GOLPH3L: variants seen among roughly 807,000 people sequenced by gnomAD.
The protein encoded by GOLPH3L is golgi phosphoprotein 3 like.
GOLPH3L carries 22 observed loss-of-function variants against 30.3 expected under a neutral mutation model. The ratio of observed to expected loss-of-function variants is 0.73; its 90% confidence interval spans 0.52 to 1.04. GOLPH3L has a LOEUF of 1.04. GOLPH3L is among the 50% of genes least tolerant of loss of function. The pLI is 0.00. For missense variants in GOLPH3L, 303 were observed against 345.8 expected (o/e 0.88, Z 0.98); for synonymous variants, 120 against 128.2 (o/e 0.94, Z 0.43).
At position 150,694,656 on chromosome 1, in the gene GOLPH3L, C is replaced by A; in HGVS notation, c.183G>T (p.Glu61Asp). ...AGCCTAGCAAACCTAACTGCATTAC[C>A]TCTTTATCTTTTAGTCCCAGAAGCA... is the stretch of plus-strand genomic sequence containing the variant. ...EVLLLGLKDK[E>D]GYTSFWNDCI... is the part of the protein sequence containing the mutation. The change falls in exon 2 of 5, where the codon GAG becomes GAT. Residue 61 changes from glutamate (E) to aspartate (D), a missense_variant and splice_region_variant. By Grantham distance (45) the Glu-to-Asp change is conservative. Transcript: ENST00000271732. 6.3e-7 allele frequency: 1 copy of A among 1,586,738 alleles called. No individual in the cohort carries two copies. Among genetic ancestry groups the A allele is most frequent in the Non-Finnish European group, 8.6e-7 (1 of 1,163,908 alleles).
chr1:150,687,597 T>G (rs1021509013), intron 2 of GOLPH3L, among the ~76,000 whole-genome samples: 1 of 151,762 alleles, frequency 6.6e-6, no homozygotes, highest in Non-Finnish European at 1.5e-5. Context: ...AAAAAAAAAC[T>G]TTTTGATTAG....
At chr1:150,657,303 A>C (rs1650261507) in intron 4 of GOLPH3L, among the ~76,000 whole-genome samples, 1 of 152,250 alleles carries the variant, frequency 6.6e-6, no homozygotes, top group Non-Finnish European at 1.5e-5. Context: ...TGCAATATCT[A>C]ATGCTAAACA....
chr1:150,653,462 T>C (rs1385495333), intron 4 of GOLPH3L, among the ~76,000 whole-genome samples: 1 of 146,188 alleles, frequency 6.8e-6, no homozygotes, highest in African/African-American at 2.5e-5. Context: ...CAACTTTTTT[T>C]TTTTTTTTTT....
chr1:150,650,014 A>G (rs935714858), intron 4 of GOLPH3L, among the ~76,000 whole-genome samples: 9 of 152,082 alleles, frequency 5.9e-5, no homozygotes, highest in Admixed American at 5.9e-4. Context: ...AAATAAAAAT[A>G]AAATTAAAAA....
At chr1:150,674,809 T>C (rs1650732741) in intron 2 of GOLPH3L, among the ~76,000 whole-genome samples, 1 of 151,744 alleles carries the variant, frequency 6.6e-6, no homozygotes, top group Non-Finnish European at 1.5e-5. Flanking sequence ...GAAGGATCCC[T>C]CAAGCCCAGG....
intron 2 of GOLPH3L, among the ~76,000 whole-genome samples, chr1:150,691,640 CT>C (rs1651215161): frequency 6.6e-6 from 1 of 152,142 alleles, no homozygotes; most frequent in African/African-American, 2.4e-5. Context: ...TTTCCTTCCC[CT>C]ATCCCTTACA....
chr1:150,694,857 G>T lies in GOLPH3L; in HGVS notation c.-12-7C>A. On this transcript the variant is annotated splice_region_variant and splice_polypyrimidine_tract_variant and intron_variant, in intron 1 of 4. Transcript: ENST00000271732. ...TGGTCATTCTCACCTGTTTCTGGAGGGAGTGGTGAAAAAAAAAATCCATAT... is the reference window on the plus strand; with the variant it reads ...TGGTCATTCTCACCTGTTTCTGGAGTGAGTGGTGAAAAAAAAAATCCATAT... 1 of 1,550,720 alleles carries T rather than the reference G, an allele frequency of 6.4e-7. No homozygotes were observed. Among genetic ancestry groups the T allele is most frequent in the South Asian group, 1.2e-5 (1 of 82,226 alleles).
chr1:150,649,230 G>A (rs1374061200), intron 4 of GOLPH3L, among the ~76,000 whole-genome samples: 1 of 152,170 alleles, frequency 6.6e-6, no homozygotes, highest in East Asian at 1.9e-4. Context: ...TAGAGATTCT[G>A]CAACAGAAAA....
chr1:150,665,589 T>C (rs1650480782), intron 2 of GOLPH3L, among the ~76,000 whole-genome samples: 1 of 152,182 alleles, frequency 6.6e-6, no homozygotes, highest in Non-Finnish European at 1.5e-5. Context: ...TTAACATGCA[T>C]GATACATTAA....
intron 4 of GOLPH3L, among the ~76,000 whole-genome samples, chr1:150,659,593 C>G (rs1650323672): frequency 1.3e-5 from 2 of 152,264 alleles, no homozygotes; most frequent in South Asian, 4.1e-4. Flanking sequence ...CTGTTCAAGG[C>G]TCTCAGCTCT....
intron 4 of GOLPH3L, among the ~76,000 whole-genome samples, chr1:150,652,222 G>A (rs1411629795): frequency 2.0e-5 from 3 of 151,448 alleles, no homozygotes; most frequent in Non-Finnish European, 4.4e-5. Flanking sequence ...CTATCTTTCA[G>A]AAATAAAAGC....
chr1:150,665,719 C>A (rs1411378997), intron 2 of GOLPH3L, among the ~76,000 whole-genome samples: 1 of 151,872 alleles, frequency 6.6e-6, no homozygotes, highest in Non-Finnish European at 1.5e-5. Context: ...TTATTTTATA[C>A]AGGTAGCACT....
At chr1:150,654,958 T>C (rs1650209425) in intron 4 of GOLPH3L, among the ~76,000 whole-genome samples, 1 of 152,152 alleles carries the variant, frequency 6.6e-6, no homozygotes, top group Non-Finnish European at 1.5e-5. Context: ...GAAATTCAAA[T>C]TGTTATATCT....
At position 150,677,690 on chromosome 1, in the gene GOLPH3L, A is replaced by T. The variant is rs116687192; in HGVS notation, c.184-13927T>A. The stretch of plus-strand genomic sequence containing the variant: ...TCTGTCACCCACGCTGGAGTGCATA[A>T]TCGTAGCTCACTGCACCCTCTACTT... On this transcript the variant is annotated intron_variant, in intron 2 of 4. Transcript: ENST00000271732. Among the ~76,000 whole-genome samples, 1,129 of 150,994 alleles carry T rather than the reference A, an allele frequency of 7.5e-3. 7 individuals carry two copies. Among genetic ancestry groups the T allele is most frequent in the Non-Finnish European group, 0.013 (867 of 67,862 alleles).
intron 2 of GOLPH3L, among the ~76,000 whole-genome samples, chr1:150,683,699 CAAAAA>C (rs397981524): frequency 9.4e-4 from 14 of 14,960 alleles, no homozygotes; most frequent in African/African-American, 2.9e-3. Context: ...GACTCTCTCT[CAAAAA>C]AAAAAAAAAA....
chr1:150,656,963 T>C (rs1650253219), intron 4 of GOLPH3L, among the ~76,000 whole-genome samples: 1 of 152,234 alleles, frequency 6.6e-6, no homozygotes, highest in Admixed American at 6.5e-5. Flanking sequence ...GTAAAGCTTC[T>C]TATTCTGGCT....
chr1:150,684,513 T>C (rs1302799754), intron 2 of GOLPH3L, among the ~76,000 whole-genome samples: 1 of 151,594 alleles, frequency 6.6e-6, no homozygotes, highest in Non-Finnish European at 1.5e-5. Context: ...CAAGAAAAAA[T>C]AACTATTTGC....
intron 2 of GOLPH3L, among the ~76,000 whole-genome samples, chr1:150,674,903 A>C (rs1211308406): frequency 6.6e-6 from 1 of 151,816 alleles, no homozygotes; most frequent in Non-Finnish European, 1.5e-5. Flanking sequence ...AAGGAAAAAA[A>C]AGAGAGAAAC....
At chr1:150,675,273 T>G (rs115696276) in intron 2 of GOLPH3L, among the ~76,000 whole-genome samples, 1,681 of 150,394 alleles carry the variant, frequency 0.011, 18 homozygotes, top group Non-Finnish European at 0.015. Context: ...TTTTTTTTTT[T>G]TGTGGTCAAA....
Sources: allele counts gnomAD v4.1 joint callset (sites outside exome capture counted in the v4.1 genomes callset), GRCh38; gene constraint gnomAD v4.1.1; transcripts MANE v1.5; gene names NCBI Gene and HGNC (gene_info 2026-07-23, HGNC 2026-07-21).